Variants in BCOR observed in about 807,000 individuals in gnomAD.
BCOR encodes BCL6 corepressor.
In BCOR, 10 loss-of-function variants were observed where a neutral mutation model predicts 86.7. The observed-to-expected ratio is 0.12, with a 90% CI of 0.07 to 0.20. The LOEUF (loss-of-function observed/expected upper bound fraction) is 0.20, where lower values mean the gene tolerates loss of function less well. Ranked by LOEUF, BCOR falls within the 10% of genes least tolerant of loss-of-function variation. The probability of loss-of-function intolerance (pLI) is 1.00; values close to 1 mark genes in which losing one functional copy is unlikely to be tolerated. For synonymous variants in BCOR, 611 were observed against 609.0 expected, an observed-to-expected ratio of 1.00 and a Z score of -0.05; for missense variants, 1,259 against 1,452.1, an observed-to-expected ratio of 0.87 and a Z score of 2.16.
chrX:40,074,059 C>T lies in BCOR; in HGVS notation c.1287G>A (p.Lys429=), dbSNP rs775664343. The change falls in exon 4 of 15, where the codon AAG becomes AAA. Residue 429 remains lysine (K), a synonymous_variant. Coordinates refer to ENST00000378444, the MANE Select transcript of BCOR (RefSeq NM_001123385.2). ...CTGTGACGTCTTTGGTAACGGTCTG[C>T]TTCTCCAACAGAGGAGGTGAGCTGC... ...KDGSSPPLLE[K]QTVTKDVTDK... is the part of the protein sequence containing the mutation. 48 of 1,210,923 alleles carry T rather than the reference C, an allele frequency of 4.0e-5. No individual in the cohort carries two copies. The highest frequency in any genetic ancestry group is 4.9e-5 in the Non-Finnish European group (44 of 895,428).
rs747289594 is a variant in BCOR at position 40,072,738 on chromosome X, T to C, written c.2608A>G (p.Thr870Ala). Residue 870 changes from threonine to alanine, a missense_variant, in exon 4 of 15, where the codon ACT becomes GCT. Thr to Ala is a moderately conservative substitution (Grantham distance 58, BLOSUM62 0). Coordinates refer to ENST00000378444, the MANE Select transcript of BCOR (RefSeq NM_001123385.2). ...ACGGTGAAGACTGGCTGTTTGAAAG[T>C]ATAAGTTTCGTGGAAGTCACTGATG... ...GRISDFHETY[T>A]FKQPVFTVSK... 1.8e-5 allele frequency: 22 copies of C among 1,210,076 alleles called. No homozygotes were observed. In the South Asian group the frequency reaches 3.3e-4, roughly 18 times the overall value.
At position 40,051,757 on chromosome X, in the gene BCOR, T is replaced by C; in HGVS notation, c.*352A>G. ...CTGACCACTCTACAGTCATGGCCTGTCATCAGAGCTTTGTATGAAATTAAG... is the reference window on the plus strand; with the variant it reads ...CTGACCACTCTACAGTCATGGCCTGCCATCAGAGCTTTGTATGAAATTAAG... On this transcript the variant is annotated 3_prime_UTR_variant, in exon 15 of 15. Transcript: ENST00000378444. 4.9e-6 allele frequency: 1 copy of C among 204,949 alleles called. No individual in the cohort carries two copies. The highest frequency in any genetic ancestry group is 9.0e-6 in the Non-Finnish European group (1 of 110,969). The allele number at this position is 204,949 out of a possible 1,213,427, so 16.9% of individuals were successfully genotyped here.
chrX:40,115,885 A>G (rs946358781), intron 1 of BCOR, among the ~76,000 whole-genome samples: 4 of 111,629 alleles, frequency 3.6e-5, no homozygotes, highest in African/African-American at 1.3e-4. Context: ...ATACTAAATT[A>G]TGGCTCAATG....
intron 1 of BCOR, among the ~76,000 whole-genome samples, chrX:40,133,224 G>A (rs1602251545): frequency 1.0e-5 from 1 of 99,923 alleles, no homozygotes; most frequent in African/African-American, 3.8e-5. Context: ...TGCAACCTCC[G>A]CCACCTGGGT....
Position 40,097,367 on chromosome X carries a change from A to G in BCOR, c.-193T>C, listed in dbSNP as rs1936941263. ...GTGGGGGGGGTTGGCGACGTTAACGAGCGGAGAAGGAGCCGGGCCGGAGAA... is the reference window on the plus strand; with the variant it reads ...GTGGGGGGGGTTGGCGACGTTAACGGGCGGAGAAGGAGCCGGGCCGGAGAA... On this transcript the variant is annotated 5_prime_UTR_variant, in exon 1 of 15. Transcript: ENST00000378444. The G allele has an allele frequency of 9.2e-6, 1 of 108,434 alleles. No homozygotes were observed. The highest frequency in any genetic ancestry group is 1.9e-5 in the Non-Finnish European group (1 of 51,841). 8.9% of individuals were successfully genotyped at this position (108,434 alleles called of 1,213,427 possible). A position where few individuals can be genotyped will look rare whatever the true frequency, so the allele number is the denominator to read the frequency against.
intron 1 of BCOR, among the ~76,000 whole-genome samples, chrX:40,124,317 G>C (rs759492455): frequency 9.1e-6 from 1 of 109,773 alleles, no homozygotes; most frequent in Non-Finnish European, 1.9e-5. Context: ...CTGTCACCCA[G>C]GCTGGAGTGC....
rs763751220 is a variant in BCOR at position 40,073,911 on chromosome X, C to T, written c.1435G>A (p.Gly479Arg). 11 of 1,211,100 alleles carry T rather than the reference C, an allele frequency of 9.1e-6. No homozygotes were observed. The highest frequency in any genetic ancestry group is 3.5e-5 in the South Asian group (2 of 56,918). The change falls in exon 4 of 15, where the codon GGA (glycine) becomes AGA (arginine). Residue 479 changes from glycine (G) to arginine (R), a missense_variant. Around this residue, in one of 7 missense-constraint regions of BCOR, gnomAD observed 534 missense variants for 594.8 expected, o/e 0.90. Transcript: ENST00000378444. ...AGTGTTTCTTTCGGAATCTCACTTC[C>T]GGAGAGCACTAAGCCACTTCCAGCC... ...SRAGSGLVLS[G>R]SEIPKETLSP...
intron 9 of BCOR, among the ~76,000 whole-genome samples, 159 bp downstream of exon 9, chrX:40,062,587 G>A (rs1408490851): frequency 2.7e-5 from 3 of 109,786 alleles, no homozygotes; most frequent in East Asian, 2.9e-4. Context: ...TTGAAACTTC[G>A]CTGCCACCCA....
At chrX:40,148,906 T>C (rs1938115578) in intron 1 of BCOR, among the ~76,000 whole-genome samples, 1 of 110,909 alleles carries the variant, frequency 9.0e-6, no homozygotes, top group African/African-American at 3.3e-5. Context: ...CATCGTTGTG[T>C]ATGTGTTTCT....
At chrX:40,151,501 T>C (rs7881799) in intron 1 of BCOR, among the ~76,000 whole-genome samples, 1,630 of 112,571 alleles carry the variant, frequency 0.014, 26 homozygotes, top group African/African-American at 0.05. Flanking sequence ...GCACGAAGCC[T>C]CACAGTTCCG....
rs1396717588 is a variant in BCOR, at chrX:40,079,252, G to A, written c.-40-1283C>T. Among the ~76,000 whole-genome samples, 3 of 112,153 alleles carry A rather than the reference G, an allele frequency of 2.7e-5. No homozygotes were observed. The East Asian group carries it at 8.4e-4, about 31-fold the overall frequency. ...TTCCGAAAGCCCAAATGTTCCCTAA[G>A]TCGACACATTTCCTTTGTTAGCAGG... On this transcript the variant is annotated intron_variant, in intron 1 of 14. Coordinates refer to ENST00000378444, the MANE Select transcript of BCOR (RefSeq NM_001123385.2).
intron 12 of BCOR, 115 bp downstream of exon 12, chrX:40,055,253 T>C: frequency 1.2e-6 from 1 of 804,566 alleles, no homozygotes; most frequent in Admixed American, 2.5e-5. Flanking sequence ...GCTGCTCTCC[T>C]AAAAGCTTTA....
rs977644059 is a variant in BCOR at position 40,074,496 on chromosome X, C to T, written c.850G>A (p.Asp284Asn). 112 of 1,205,070 alleles carry T rather than the reference C, an allele frequency of 9.3e-5. No homozygotes were observed. The highest frequency in any genetic ancestry group is 1.1e-4 in the Non-Finnish European group (101 of 892,382). ...PAIPPLVHCA[D>N]KSLPWKMGVS... ...CCCATCTTCCACGGGAGGCTTTTGT[C>T]TGCGCAATGGACGAGAGGCGGGATG... Residue 284 changes from aspartate to asparagine, a missense_variant, in exon 4 of 15, where the codon GAC becomes AAC. Physicochemically the swap from Asp to Asn is conservative, Grantham distance 23. Coordinates refer to ENST00000378444, the MANE Select transcript of BCOR (RefSeq NM_001123385.2).
chrX:40,137,345 G>A (rs958062934), intron 1 of BCOR, among the ~76,000 whole-genome samples: 1 of 110,283 alleles, frequency 9.1e-6, no homozygotes, highest in African/African-American at 3.3e-5. Context: ...TTGGGAGTTC[G>A]AGACCAGCCT....
At chrX:40,092,762 G>A (rs1450301947) in intron 1 of BCOR, among the ~76,000 whole-genome samples, 1 of 112,345 alleles carries the variant, frequency 8.9e-6, no homozygotes, top group African/African-American at 3.2e-5. Flanking sequence ...ACTATAACCA[G>A]AGATAATCCT....
At chrX:40,118,328 T>C (rs888725127) in intron 1 of BCOR, among the ~76,000 whole-genome samples, 2 of 111,072 alleles carry the variant, frequency 1.8e-5, no homozygotes, top group Non-Finnish European at 3.8e-5. Flanking sequence ...AGTGGCGCGA[T>C]CTCAGCTCAC....
chrX:40,069,042 G>T (rs1283178660), intron 6 of BCOR, among the ~76,000 whole-genome samples: 1 of 112,498 alleles, frequency 8.9e-6, no homozygotes, highest in Non-Finnish European at 1.9e-5. Flanking sequence ...TCACAGCTTG[G>T]CTCTGGGCCA....
chrX:40,112,704 G>A lies in BCOR; in HGVS notation c.-40-34735C>T, dbSNP rs193046949. Among the ~76,000 whole-genome samples, 75 of 111,660 alleles carry A rather than the reference G, an allele frequency of 6.7e-4. 1 individual carries two copies. The highest frequency in any genetic ancestry group is 6.2e-4 in the Non-Finnish European group (33 of 53,116). On this transcript the variant is annotated intron_variant, in intron 1 of 14. Transcript: ENST00000342274. ...GTGCTGGGATTACAAGTGTAGCACC[G>A]CGCCCAGCCACAACTGAATTCTAAA...
At chrX:40,136,350 T>G (rs1937681312) in intron 1 of BCOR, among the ~76,000 whole-genome samples, 1 of 111,931 alleles carries the variant, frequency 8.9e-6, no homozygotes, top group Non-Finnish European at 1.9e-5. Context: ...TGGTTTGTGA[T>G]ACAACAGTGT....
Sources: gnomAD v4.1 joint callset for allele counts (sites outside exome capture counted in the v4.1 genomes callset) on GRCh38, gnomAD v4.1.1 for gene constraint, gnomAD v4.1.1 regional missense constraint, MANE v1.5 for transcripts, NCBI Gene and HGNC (gene_info 2026-07-23, HGNC 2026-07-21) for gene names.